The following CCDC15 variants were observed in gnomAD, a reference collection of about 807,000 sequenced individuals.
The protein encoded by CCDC15 is coiled-coil domain-containing protein 15.
In CCDC15, 105 loss-of-function variants were observed where a neutral mutation model predicts 114.5. That is an observed-to-expected ratio of 0.92 (90% CI 0.78 to 1.08). The LOEUF is 1.08. Ranked by LOEUF, CCDC15 falls within the 50% of genes least tolerant of loss-of-function variation. CCDC15 has a pLI of 0.00. For synonymous variants in CCDC15, 334 were observed against 377.8 expected (o/e 0.88, Z 1.34); for missense variants, 1,105 against 1,093.6 (o/e 1.01, Z -0.15).
chr11:124,972,947 A>G (rs965843550), intron 4 of CCDC15, among the ~76,000 whole-genome samples: 3 of 152,154 alleles, frequency 2.0e-5, no homozygotes, highest in Admixed American at 6.5e-5. Context: ...CCTTAACTTA[A>G]TCACATTTGC....
chr11:124,991,963 C>T (rs1206553642), intron 9 of CCDC15, among the ~76,000 whole-genome samples: 16 of 152,194 alleles, frequency 1.1e-4, no homozygotes, highest in African/African-American at 2.7e-4. Flanking sequence ...GGTTTACAGG[C>T]GTAAGCCACT....
intron 13 of CCDC15, among the ~76,000 whole-genome samples, chr11:125,007,982 A>C (rs1435876706): frequency 2.0e-5 from 3 of 152,136 alleles, no homozygotes; most frequent in Non-Finnish European, 4.4e-5. Flanking sequence ...CAGTCTTTCA[A>C]CTTTGTTTTT....
At chr11:124,998,162 G>GC in intron 11 of CCDC15, among the ~76,000 whole-genome samples, 1 of 152,220 alleles carries the variant, frequency 6.6e-6, no homozygotes, top group Non-Finnish European at 1.5e-5. Context: ...TCTTCTTGTT[G>GC]CCCCCCAGAG....
At chr11:125,021,209 G>A (rs931876041) in intron 13 of CCDC15, among the ~76,000 whole-genome samples, 1 of 151,786 alleles carries the variant, frequency 6.6e-6, no homozygotes, top group Non-Finnish European at 1.5e-5. Flanking sequence ...AGAAGTATAC[G>A]AGGAAATTCA....
chr11:124,991,604 A>G (rs1445706540), intron 9 of CCDC15, 21 bp downstream of exon 9: 32 of 1,579,904 alleles, frequency 2.0e-5, no homozygotes, highest in Non-Finnish European at 2.6e-5. Context: ...AGAAAAAGAT[A>G]TAAACAGGAA....
intron 13 of CCDC15, among the ~76,000 whole-genome samples, chr11:125,028,470 C>A (rs1317063607): frequency 2.0e-5 from 3 of 152,114 alleles, no homozygotes; most frequent in Non-Finnish European, 4.4e-5. Flanking sequence ...TTGTAGAGAT[C>A]TTTCACCCCC....
chr11:125,013,327 A>T (rs987363085), intron 13 of CCDC15, among the ~76,000 whole-genome samples: 7 of 152,186 alleles, frequency 4.6e-5, no homozygotes, highest in Admixed American at 3.3e-4. Flanking sequence ...TGGGGTGGCT[A>T]AACCCCAAGT....
At chr11:125,037,105 T>A (rs1429141373) in intron 13 of CCDC15, among the ~76,000 whole-genome samples, 1 of 152,176 alleles carries the variant, frequency 6.6e-6, no homozygotes, top group African/African-American at 2.4e-5. Context: ...ATGCCCAACG[T>A]TATGAGTTTT....
At chr11:124,999,854 CTT>C (rs768089942) in intron 11 of CCDC15, among the ~76,000 whole-genome samples, 1 of 70,100 alleles carries the variant, frequency 1.4e-5, no homozygotes, top group Non-Finnish European at 2.6e-5. Context: ...GTATCCTAGA[CTT>C]TTTTTTTTTT....
chr11:124,987,833 A>G lies in CCDC15; in HGVS notation c.1607A>G (p.Asp536Gly). The change falls in exon 8 of 16, where the codon GAC becomes GGC. Residue 536 changes from aspartate (D) to glycine (G), a missense_variant. Transcript: ENST00000344762. Reference protein sequence around the residue: ...KYQGQDFLPKDQDFLSRDQHV... With the variant: ...KYQGQDFLPKGQDFLSRDQHV... The stretch of plus-strand genomic sequence containing the variant: ...CAAGGCCAGGATTTTCTACCTAAAG[A>G]CCAGGACTTTTTATCTAGAGACCAG... 1 of 1,605,538 alleles carries G rather than the reference A, an allele frequency of 6.2e-7. No individual in the cohort carries two copies. Among genetic ancestry groups the G allele is most frequent in the Middle Eastern group, 1.7e-4 (1 of 6,034 alleles).
chr11:124,976,541 G>T (rs764385386), intron 5 of CCDC15, among the ~76,000 whole-genome samples: 2 of 151,930 alleles, frequency 1.3e-5, no homozygotes, highest in Non-Finnish European at 2.9e-5. Flanking sequence ...TACCTATCGT[G>T]GTTTGGTAGT....
At chr11:125,018,407 A>G (rs1948641691) in intron 13 of CCDC15, among the ~76,000 whole-genome samples, 1 of 151,992 alleles carries the variant, frequency 6.6e-6, no homozygotes, top group Admixed American at 6.6e-5. Context: ...ACACTCTATG[A>G]TGTTTTCATG....
rs756533149 is a variant in CCDC15 at position 125,038,988 on chromosome 11, C to A, written c.2653C>A (p.Leu885Ile). The A allele has an allele frequency of 6.2e-7, 1 of 1,613,306 alleles. No individual in the cohort carries two copies. Among genetic ancestry groups the A allele is most frequent in the East Asian group, 2.2e-5 (1 of 44,868 alleles). The change falls in exon 15 of 16, where the codon CTA (leucine) becomes ATA (isoleucine). Residue 885 changes from leucine (L) to isoleucine (I), a missense_variant. Physicochemically the swap from Leu to Ile is conservative, Grantham distance 5. Transcript: ENST00000344762. ...MQLYNITLPP[L>I]CCCGPDFWDA... ...GCTGTATAATATTACTTTACCTCCA[C>A]TATGCTGTTGTGGTCCTGATTTTTG...
chr11:125,028,702 CT>C (rs1173161274), intron 13 of CCDC15, among the ~76,000 whole-genome samples: 5 of 151,966 alleles, frequency 3.3e-5, no homozygotes, highest in Admixed American at 3.3e-4. Flanking sequence ...TTGGATGAGT[CT>C]TTAGGGTTTT....
At chr11:124,959,398 T>A in intron 3 of CCDC15, 134 bp downstream of exon 3, 2 of 791,460 alleles carry the variant, frequency 2.5e-6, no homozygotes, top group Non-Finnish European at 3.7e-6. Context: ...GTGAAGACAG[T>A]AAATTTTTTT....
chr11:125,017,477 T>C (rs1948635927), intron 13 of CCDC15, among the ~76,000 whole-genome samples: 1 of 152,132 alleles, frequency 6.6e-6, no homozygotes, highest in South Asian at 2.1e-4. Flanking sequence ...GCATTCCTCA[T>C]GTGTTTGTGG....
chr11:124,974,543 G>C (rs1669048092), intron 4 of CCDC15, among the ~76,000 whole-genome samples: 1 of 152,134 alleles, frequency 6.6e-6, no homozygotes, highest in Admixed American at 6.5e-5. Flanking sequence ...AATTTAGGAA[G>C]GCTTCTTGGA....
intron 4 of CCDC15, among the ~76,000 whole-genome samples, chr11:124,972,037 A>G (rs569647063): frequency 2.0e-4 from 31 of 152,342 alleles, no homozygotes; most frequent in African/African-American, 6.7e-4. Flanking sequence ...TATAAACATT[A>G]GTCACAGCTG....
intron 13 of CCDC15, among the ~76,000 whole-genome samples, chr11:125,031,763 C>A (rs1948740791): frequency 1.3e-5 from 2 of 152,200 alleles, no homozygotes; most frequent in South Asian, 4.1e-4. Context: ...TCATATGACC[C>A]AAGTGGCAGA....
Sources: gnomAD v4.1 joint callset for allele counts (sites outside exome capture counted in the v4.1 genomes callset) on GRCh38, gnomAD v4.1.1 for gene constraint, MANE v1.5 for transcripts, NCBI Gene and HGNC (gene_info 2026-07-23, HGNC 2026-07-21) for gene names.